SDK2: variants seen among roughly 807,000 people sequenced by gnomAD.
SDK2 encodes protein sidekick-2.
SDK2 carries 105 observed loss-of-function variants against 253.9 expected under a neutral mutation model. That is an observed-to-expected ratio of 0.41 (90% CI 0.35 to 0.49). SDK2 has a LOEUF of 0.49. SDK2 is among the 20% of genes least tolerant of loss of function. The pLI is 0.06. For synonymous variants in SDK2, 1,249 were observed against 1,234.9 expected (o/e 1.01, Z -0.24); for missense variants, 2,608 against 3,003.0 (o/e 0.87, Z 3.07).
In SDK2 at chr17:73,531,046, G is replaced by C. The variant is rs565043842; in HGVS notation, c.65-23449C>G. Among the ~76,000 whole-genome samples the C allele has an allele frequency of 6.6e-5, 10 of 151,964 alleles. No homozygotes were observed. In the South Asian group the frequency reaches 1.2e-3, roughly 19 times the overall value. ...CTCCTTTTCCCGCCTTTCCTTCCCTGCCTTCCTCCTGTGGTTCTGAAATGT... is the reference window on the plus strand; with the variant it reads ...CTCCTTTTCCCGCCTTTCCTTCCCTCCCTTCCTCCTGTGGTTCTGAAATGT... On this transcript the variant is annotated intron_variant, in intron 1 of 44. Transcript: ENST00000392650.
chr17:73,478,255 A>G (rs1347073619), intron 2 of SDK2, among the ~76,000 whole-genome samples: 1 of 152,132 alleles, frequency 6.6e-6, no homozygotes, highest in Non-Finnish European at 1.5e-5. Context: ...GCAAGTGACA[A>G]TGTATCTCAA....
rs2063327863 is a variant in SDK2, at chr17:73,431,734, C to T, written c.1313-65G>A. ...AAGGGCACACCCTGCCCTTCCCTGG[C>T]CGCTCCAGGGCAGCATGGTCCCCCC... On this transcript the variant is annotated intron_variant, in intron 10 of 44. Transcript: ENST00000392650. This position sits in a 1 kb window ranked among gnomAD's most constrained non-coding sequence, Gnocchi z 5.6. 14 of 1,472,770 alleles carry T rather than the reference C, an allele frequency of 9.5e-6. No homozygotes were observed. In the East Asian group the frequency reaches 3.4e-4, roughly 36 times the overall value. The allele number at this position is 1,472,770 out of a possible 1,614,324, so 91.2% of individuals were successfully genotyped here.
chr17:73,469,992 G>GCA (rs34448667), intron 3 of SDK2, among the ~76,000 whole-genome samples: 12,884 of 126,088 alleles, frequency 0.1, 655 homozygotes, highest in Middle Eastern at 0.15. Context: ...GCGCGCGCGC[G>GCA]CACACACACA....
intron 3 of SDK2, among the ~76,000 whole-genome samples, chr17:73,471,190 C>A (rs2063647996): frequency 6.6e-6 from 1 of 152,170 alleles, no homozygotes. Context: ...TCCTCATTCT[C>A]CCCTTCCCCT....
At chr17:73,386,642 C>T (rs1056743793) in intron 30 of SDK2, 94 bp from the exon 31 acceptor site, 16 of 842,288 alleles carry the variant, frequency 1.9e-5, no homozygotes, top group South Asian at 5.8e-5. Context: ...TGGCCCTGCT[C>T]GGGAAAGGGG....
chr17:73,563,532 A>T (rs1806682), intron 1 of SDK2, among the ~76,000 whole-genome samples: 35,672 of 152,092 alleles, frequency 0.23, 5,360 homozygotes, highest in African/African-American at 0.43. Context: ...TGAGCTATGA[A>T]CAGGCCACTG....
chr17:73,350,106 G>T, intron 43 of SDK2, 131 bp downstream of exon 43: 1 of 856,940 alleles, frequency 1.2e-6, no homozygotes, highest in Non-Finnish European at 1.7e-6. Flanking sequence ...TCCCAGCCCT[G>T]GGGCTTGAAT....
At chr17:73,475,936 G>T (rs1438260925) in intron 2 of SDK2, among the ~76,000 whole-genome samples, 1 of 152,112 alleles carries the variant, frequency 6.6e-6, no homozygotes, top group Non-Finnish European at 1.5e-5. Flanking sequence ...GCATGGCAAA[G>T]CCCCGTTTCT....
Position 73,609,204 on chromosome 17 carries a change from G to A in SDK2, c.64+34821C>T, listed in dbSNP as rs539064404. Among the ~76,000 whole-genome samples, 26 of 145,262 alleles carry A rather than the reference G, an allele frequency of 1.8e-4. No individual in the cohort carries two copies. The South Asian group carries it at 4.3e-3, about 24-fold the overall frequency. ...AGTGAATGCAGTGTTGGAGAGATAA[G>A]CCTGGAGTGTGAGAGATGGGTCTGG... On this transcript the variant is annotated intron_variant, in intron 1 of 44. Transcript: ENST00000392650. The surrounding 1 kb of genome is among the most constrained non-coding windows in gnomAD (Gnocchi z 4.4).
intron 3 of SDK2, among the ~76,000 whole-genome samples, chr17:73,459,520 A>T (rs557043072): frequency 6.6e-6 from 1 of 152,324 alleles, no homozygotes; most frequent in African/African-American, 2.4e-5. Flanking sequence ...GTTCTACAGC[A>T]TCCTGGAAGG....
Position 73,349,036 on chromosome 17 carries a change from T to A in SDK2, c.6039-311A>T, listed in dbSNP as rs373998977. 2.0e-5 allele frequency among the ~76,000 whole-genome samples: 3 copies of A among 152,202 alleles called. No individual in the cohort carries two copies. The East Asian group carries it at 5.8e-4, about 29-fold the overall frequency. On this transcript the variant is annotated intron_variant, in intron 43 of 44. Transcript: ENST00000392650. ...TGCTTTGGTGCAAACGGGATTTTTG[T>A]GTACACACAGTGGCTTTGGGGGCAC...
chr17:73,501,773 G>C (rs1384229063), intron 2 of SDK2, among the ~76,000 whole-genome samples: 1 of 152,148 alleles, frequency 6.6e-6, no homozygotes, highest in East Asian at 1.9e-4. Context: ...AATCCTAACA[G>C]GTACCATTCA....
At chr17:73,595,867 C>G (rs2045750837) in intron 1 of SDK2, among the ~76,000 whole-genome samples, 1 of 152,212 alleles carries the variant, frequency 6.6e-6, no homozygotes, top group Non-Finnish European at 1.5e-5. Context: ...AGGACAGGCT[C>G]CATCCTGTGG....
rs944902213 is a variant in SDK2, at chr17:73,336,668, C to G, written c.*1919G>C. The G allele has an allele frequency of 2.4e-4, 37 of 152,874 alleles. No homozygotes were observed. Among genetic ancestry groups the G allele is most frequent in the African/African-American group, 8.9e-4 (37 of 41,584 alleles). The allele number at this position is 152,874 out of a possible 1,614,324, so 9.5% of individuals were successfully genotyped here. On this transcript the variant is annotated 3_prime_UTR_variant, in exon 45 of 45. Coordinates refer to ENST00000392650, the MANE Select transcript of SDK2 (RefSeq NM_001144952.2). ...GGGCTGTAGGAGAGTGGTCCAGGCTCTCTCTTACCTTGGCATGTTTCCCAA... is the reference window on the plus strand; with the variant it reads ...GGGCTGTAGGAGAGTGGTCCAGGCTGTCTCTTACCTTGGCATGTTTCCCAA...
chr17:73,585,684 A>G (rs1171217416), intron 1 of SDK2, among the ~76,000 whole-genome samples: 1 of 151,798 alleles, frequency 6.6e-6, no homozygotes, highest in Non-Finnish European at 1.5e-5. Flanking sequence ...GAAGCCACAC[A>G]CCTTTGAGTC....
At chr17:73,367,007 A>AT (rs1568367919) in intron 37 of SDK2, among the ~76,000 whole-genome samples, 1 of 152,066 alleles carries the variant, frequency 6.6e-6, no homozygotes, top group East Asian at 1.9e-4. Flanking sequence ...TACTTTTTAA[A>AT]TTTTTTTATT....
At chr17:73,477,582 G>A (rs773524090) in intron 2 of SDK2, among the ~76,000 whole-genome samples, 2 of 152,236 alleles carry the variant, frequency 1.3e-5, no homozygotes, top group East Asian at 1.9e-4. Context: ...CAGCGAGGCC[G>A]TGGATACAAA....
chr17:73,631,658 G>A (rs1164993521), intron 1 of SDK2, among the ~76,000 whole-genome samples: 2 of 152,234 alleles, frequency 1.3e-5, no homozygotes, highest in African/African-American at 2.4e-5. Context: ...TGTTTTGGGA[G>A]GAGGTGCTTG....
intron 3 of SDK2, 85 bp from the exon 4 acceptor site, chr17:73,456,138 A>G (rs2063524681): frequency 1.4e-6 from 2 of 1,389,140 alleles, no homozygotes; most frequent in Middle Eastern, 1.9e-4. Flanking sequence ...AGTGGTGGCT[A>G]TGGACGGAAA....
Sources: gnomAD v4.1 joint callset for allele counts (sites outside exome capture counted in the v4.1 genomes callset) on GRCh38, gnomAD v4.1.1 for gene constraint, Gnocchi (gnomAD v3.1) non-coding constraint, MANE v1.5 for transcripts, NCBI Gene and HGNC (gene_info 2026-07-23, HGNC 2026-07-21) for gene names.